MAML3: variants seen among roughly 807,000 people sequenced by gnomAD.
MAML3 encodes mastermind like transcriptional coactivator 3, also known as mastermind-like protein 3.
Under a neutral mutation model 101.9 loss-of-function variants are expected in MAML3, and 27 were observed. The ratio of observed to expected loss-of-function variants is 0.27; its 90% confidence interval spans 0.20 to 0.37. The LOEUF (loss-of-function observed/expected upper bound fraction) is 0.37, where lower values mean the gene tolerates loss of function less well. Ranked by LOEUF, MAML3 falls within the 10% of genes least tolerant of loss-of-function variation. The pLI is 1.00. For missense variants in MAML3, 1,316 were observed against 1,444.9 expected (o/e 0.91, Z 1.45); for synonymous variants, 501 against 555.9 (o/e 0.90, Z 1.39).
At chr4:139,880,188 A>C (rs572096675) in intron 2 of MAML3, among the ~76,000 whole-genome samples, 31 of 146,676 alleles carry the variant, frequency 2.1e-4, no homozygotes, top group East Asian at 1.5e-3. Context: ...TGAAAAAAAA[A>C]AAACAAACAA....
chr4:140,064,039 C>T (rs1179421863), intron 1 of MAML3, among the ~76,000 whole-genome samples: 1 of 152,198 alleles, frequency 6.6e-6, no homozygotes, highest in Non-Finnish European at 1.5e-5. Flanking sequence ...CTCCTTAGAA[C>T]TCCTGGGAAA....
At chr4:140,024,974 AC>A (rs896273589) in intron 1 of MAML3, among the ~76,000 whole-genome samples, 64 of 152,336 alleles carry the variant, frequency 4.2e-4, no homozygotes, top group African/African-American at 1.4e-3. Flanking sequence ...ACCATCCTCA[AC>A]CCCATTACTC....
At chr4:140,032,898 AAGT>A (rs1208912037) in intron 1 of MAML3, among the ~76,000 whole-genome samples, 1 of 146,896 alleles carries the variant, frequency 6.8e-6, no homozygotes, top group East Asian at 1.9e-4. Context: ...AAAAAAAAAA[AAGT>A]GAGAGAATGC....
At chr4:139,837,257 G>A (rs572313278) in intron 2 of MAML3, among the ~76,000 whole-genome samples, 254 of 152,224 alleles carry the variant, frequency 1.7e-3, no homozygotes, top group South Asian at 9.5e-3. Context: ...AGCACTTTGG[G>A]AGGCCGAGAC....
At chr4:140,084,110 G>C (rs1396853465) in intron 1 of MAML3, among the ~76,000 whole-genome samples, 1 of 151,950 alleles carries the variant, frequency 6.6e-6, no homozygotes, top group African/African-American at 2.4e-5. Flanking sequence ...CCATCACTTA[G>C]CACTCAGTAA....
intron 2 of MAML3, among the ~76,000 whole-genome samples, chr4:139,741,949 T>C (rs559210858): frequency 6.6e-6 from 1 of 152,228 alleles, no homozygotes; most frequent in East Asian, 1.9e-4. Context: ...AAAATAGAAA[T>C]GGCTCAGGTA....
intron 1 of MAML3, among the ~76,000 whole-genome samples, chr4:140,022,497 G>A (rs1726748421): frequency 6.6e-6 from 1 of 152,174 alleles, no homozygotes; most frequent in African/African-American, 2.4e-5. Context: ...TTCTAAGTGT[G>A]CTAAAAATAA....
At chr4:140,098,100 A>G (rs1728191874) in intron 1 of MAML3, among the ~76,000 whole-genome samples, 1 of 152,184 alleles carries the variant, frequency 6.6e-6, no homozygotes. Context: ...CGGTCCAGGG[A>G]GTTCTTAAGA....
At chr4:140,128,220 T>G (rs557500455) in intron 1 of MAML3, 105 of 152,326 alleles carry the variant, frequency 6.9e-4, no homozygotes, top group African/African-American at 2.4e-3. Context: ...GTAAGATCTC[T>G]TCTTCATAAA....
chr4:140,130,187 G>T (rs953165691), intron 1 of MAML3, among the ~76,000 whole-genome samples: 2 of 152,130 alleles, frequency 1.3e-5, no homozygotes, highest in African/African-American at 4.8e-5. Context: ...ATTGTGGCAT[G>T]GGGCAAGCAG....
chr4:139,880,325 C>T (rs913531234), intron 2 of MAML3, among the ~76,000 whole-genome samples: 4 of 152,142 alleles, frequency 2.6e-5, no homozygotes, highest in Admixed American at 2.6e-4. Flanking sequence ...AGGATGTACA[C>T]GGAAATGAGG....
At chr4:139,790,812 T>C (rs72730231) in intron 2 of MAML3, among the ~76,000 whole-genome samples, 49,998 of 152,082 alleles carry the variant, frequency 0.33, 8,698 homozygotes, top group East Asian at 0.65. Flanking sequence ...ACATTTGGAT[T>C]GTTGCTACCT....
At chr4:139,883,323 T>C (rs1054654113) in intron 2 of MAML3, among the ~76,000 whole-genome samples, 2 of 152,144 alleles carry the variant, frequency 1.3e-5, no homozygotes, top group African/African-American at 4.8e-5. Context: ...GGATCAAAAG[T>C]AGGTACAGAG....
chr4:139,722,379 C>T (rs1056987471), intron 4 of MAML3, among the ~76,000 whole-genome samples: 3 of 152,022 alleles, frequency 2.0e-5, no homozygotes, highest in Non-Finnish European at 2.9e-5. Flanking sequence ...TTTAAATATA[C>T]AAAGGAAAAA....
chr4:140,008,366 T>C (rs546716503), intron 1 of MAML3, among the ~76,000 whole-genome samples: 1 of 152,160 alleles, frequency 6.6e-6, no homozygotes, highest in East Asian at 1.9e-4. Flanking sequence ...AAAAAAAGAA[T>C]CTTTAAAAGT....
chr4:140,017,718 T>C (rs1054032414), intron 1 of MAML3, among the ~76,000 whole-genome samples: 2 of 133,562 alleles, frequency 1.5e-5, no homozygotes, highest in Non-Finnish European at 3.3e-5. Context: ...ATTCTGTTTA[T>C]ATAACATTCT....
intron 1 of MAML3, among the ~76,000 whole-genome samples, chr4:140,101,127 G>A (rs936000762): frequency 1.3e-5 from 2 of 152,218 alleles, no homozygotes; most frequent in African/African-American, 4.8e-5. Context: ...CAGAGTCGAC[G>A]CTACATGGAA....
At chr4:140,048,361 A>G (rs1727214309) in intron 1 of MAML3, among the ~76,000 whole-genome samples, 1 of 152,234 alleles carries the variant, frequency 6.6e-6, no homozygotes, top group Non-Finnish European at 1.5e-5. Context: ...ACAAGTGACC[A>G]AATAATAAAG....
intron 2 of MAML3, among the ~76,000 whole-genome samples, chr4:139,745,820 G>A (rs1239804944): frequency 3.3e-5 from 5 of 152,184 alleles, no homozygotes; most frequent in Non-Finnish European, 5.9e-5. Flanking sequence ...AGAACAGTAG[G>A]TATATACTGT....
Sources: allele counts gnomAD v4.1 joint callset (sites outside exome capture counted in the v4.1 genomes callset), GRCh38; gene constraint gnomAD v4.1.1; transcripts MANE v1.5; gene names NCBI Gene and HGNC (gene_info 2026-07-23, HGNC 2026-07-21).